The following CKAP5 variants were observed in gnomAD, a reference collection of about 807,000 sequenced individuals.
CKAP5 encodes cytoskeleton associated protein 5.
In CKAP5, 27 loss-of-function variants were observed where a neutral mutation model predicts 232.8. The observed-to-expected ratio is 0.12, with a 90% CI of 0.09 to 0.16. The LOEUF is 0.16. CKAP5 is among the 10% of genes least tolerant of loss of function. The probability of loss-of-function intolerance (pLI) is 1.00; values close to 1 mark genes in which losing one functional copy is unlikely to be tolerated. For synonymous variants in CKAP5, 785 were observed against 841.1 expected (o/e 0.93, Z 1.16); for missense variants, 1,838 against 2,424.7 (o/e 0.76, Z 5.08).
intron 1 of CKAP5, among the ~76,000 whole-genome samples, chr11:46,833,317 A>G (rs1339875801): frequency 1.3e-5 from 2 of 152,160 alleles, no homozygotes; most frequent in Admixed American, 6.5e-5. Context: ...GAACAAAAAT[A>G]TGACCCATGT....
At chr11:46,844,766 C>T (rs1227915620) in intron 1 of CKAP5, among the ~76,000 whole-genome samples, 4 of 152,154 alleles carry the variant, frequency 2.6e-5, no homozygotes, top group African/African-American at 9.6e-5. Flanking sequence ...CTCGGCCTCC[C>T]GAGTAGCTAG....
Position 46,795,327 on chromosome 11 carries a change from C to CAA in CKAP5, c.1650+265_1650+266dup, listed in dbSNP as rs35922652. On this transcript the variant is annotated intron_variant, in intron 13 of 43. Transcript: ENST00000529230. ...TGGGCAACAGAGCGAGACTCCATCT[C>CAA]AAAAAAAAAAAAAGTTAAGATAGTA... is the stretch of plus-strand genomic sequence containing the variant. Among the ~76,000 whole-genome samples the CAA allele has an allele frequency of 1.3e-4, 18 of 138,878 alleles. No homozygotes were observed. The South Asian group carries it at 1.3e-3, about 10-fold the overall frequency. The allele number at this position is 138,878 out of a possible 152,430, so 91.1% of individuals were successfully genotyped here.
At position 46,761,923 on chromosome 11, in the gene CKAP5, G is replaced by A. The variant is rs957592696; in HGVS notation, c.4221+77C>T. The A allele has an allele frequency of 1.3e-5, 16 of 1,215,700 alleles. No homozygotes were observed. In the African/African-American group the frequency reaches 2.4e-4, roughly 18 times the overall value. The allele number at this position is 1,215,700 out of a possible 1,614,324, so 75.3% of individuals were successfully genotyped here. On this transcript the variant is annotated intron_variant, in intron 32 of 43. Coordinates refer to ENST00000529230, the MANE Select transcript of CKAP5 (RefSeq NM_001008938.4). ...AGTAAAAACTTAGCTACAGTTGAGA[G>A]GACAGGAAACCTAACACCTAGGAGA...
rs764968978 is a variant in CKAP5 at position 46,770,106 on chromosome 11, G to A, written c.3187-8C>T. On this transcript the variant is annotated splice_polypyrimidine_tract_variant and splice_region_variant and intron_variant, in intron 25 of 43. Coordinates refer to ENST00000529230, the MANE Select transcript of CKAP5 (RefSeq NM_001008938.4). Reference sequence around the variant, plus strand: ...CTGATCTTTAGAAGTTGGCTAGAGAGACAAAATGACATAAAAAGTGAGAGG... The same window carrying A: ...CTGATCTTTAGAAGTTGGCTAGAGAAACAAAATGACATAAAAAGTGAGAGG... The A allele has an allele frequency of 6.2e-7, 1 of 1,613,100 alleles. No homozygotes were observed. The highest frequency in any genetic ancestry group is 8.5e-7 in the Non-Finnish European group (1 of 1,179,226).
At chr11:46,745,073 G>A (rs2065012732) in intron 42 of CKAP5, among the ~76,000 whole-genome samples, 1 of 152,218 alleles carries the variant, frequency 6.6e-6, no homozygotes, top group East Asian at 1.9e-4. Flanking sequence ...TATCTAAAGA[G>A]GGCATAGAAC....
intron 38 of CKAP5, 31 bp from the exon 39 acceptor site, chr11:46,751,565 T>A: frequency 6.5e-7 from 1 of 1,541,322 alleles, no homozygotes; most frequent in Non-Finnish European, 8.8e-7. Flanking sequence ...GAGTTAGGAG[T>A]GACTGAAGAA....
chr11:46,751,351 G>T lies in CKAP5; in HGVS notation c.5317C>A (p.Pro1773Thr). 6.2e-7 allele frequency: 1 copy of T among 1,613,690 alleles called. No individual in the cohort carries two copies. ...CAGTTGCGATTCTTACTCACCTTGG[G>T]CCCTTTTAATTTGCATAAGGTGTGT... ...LLHTLCKLKG[P>T]KILDHLTMID... is the part of the protein sequence containing the mutation. The change falls in exon 39 of 44, where the codon CCC becomes ACC. Residue 1773 changes from proline to threonine, a missense_variant. Pro to Thr is a conservative substitution (Grantham distance 38, BLOSUM62 -1). Coordinates refer to ENST00000529230, the MANE Select transcript of CKAP5 (RefSeq NM_001008938.4).
In CKAP5 at chr11:46,743,919, T is replaced by C; in HGVS notation, c.*104A>G. 7.0e-7 allele frequency: 1 copy of C among 1,430,848 alleles called. No homozygotes were observed. Among genetic ancestry groups the C allele is most frequent in the East Asian group, 2.3e-5 (1 of 43,960 alleles). The allele number at this position is 1,430,848 out of a possible 1,614,324, so 88.6% of individuals were successfully genotyped here. On this transcript the variant is annotated 3_prime_UTR_variant, in exon 44 of 44. Transcript: ENST00000529230. ...CCCCCTAGCTCCACGGCATGATACA[T>C]ACAACCAGTTTGTATACACTAGGCC...
chr11:46,751,640 G>A (rs758660015), intron 38 of CKAP5, 106 bp from the exon 39 acceptor site: 9 of 944,176 alleles, frequency 9.5e-6, no homozygotes, highest in Non-Finnish European at 1.4e-5. Flanking sequence ...GATGGCCAGG[G>A]CTATAAATGT....
At chr11:46,768,625 A>G (rs931111127) in intron 26 of CKAP5, among the ~76,000 whole-genome samples, 1 of 151,816 alleles carries the variant, frequency 6.6e-6, no homozygotes, top group African/African-American at 2.4e-5. Context: ...TGGCTCACCC[A>G]GGCTGGAGTG....
chr11:46,836,631 T>C (rs953224048), intron 1 of CKAP5, among the ~76,000 whole-genome samples: 13 of 152,244 alleles, frequency 8.5e-5, no homozygotes, highest in African/African-American at 3.1e-4. Flanking sequence ...AACTAAGTGC[T>C]GTTAAGAACG....
intron 9 of CKAP5, 62 bp from the exon 10 acceptor site, chr11:46,798,234 C>T: frequency 8.6e-7 from 1 of 1,169,462 alleles, no homozygotes; most frequent in Non-Finnish European, 1.3e-6. Flanking sequence ...ATTGATATAT[C>T]CTAGAACATG....
intron 42 of CKAP5, among the ~76,000 whole-genome samples, chr11:46,746,898 G>C (rs570798748): frequency 1.3e-5 from 2 of 152,316 alleles, no homozygotes; most frequent in South Asian, 2.1e-4. Context: ...AGGCTGAGGT[G>C]GGGGGATCAC....
Position 46,788,667 on chromosome 11 carries a change from A to C in CKAP5, c.1968+14T>G. The C allele has an allele frequency of 6.8e-7, 1 of 1,473,060 alleles. No homozygotes were observed. Among genetic ancestry groups the C allele is most frequent in the Non-Finnish European group, 9.5e-7 (1 of 1,052,066 alleles). The allele number at this position is 1,473,060 out of a possible 1,614,324, so 91.2% of individuals were successfully genotyped here. On this transcript the variant is annotated intron_variant, in intron 16 of 43. Coordinates refer to ENST00000529230, the MANE Select transcript of CKAP5 (RefSeq NM_001008938.4). ...ACTTCAATAAAAGACATCAAATCTC[A>C]CATTTTAAAATACCTGAAAATTAGT...
chr11:46,836,045 C>T (rs1457654819), intron 1 of CKAP5, among the ~76,000 whole-genome samples: 1 of 152,182 alleles, frequency 6.6e-6, no homozygotes, highest in African/African-American at 2.4e-5. Flanking sequence ...AAACAACTGA[C>T]TAGTACTCCT....
intron 5 of CKAP5, among the ~76,000 whole-genome samples, chr11:46,810,412 T>TGATC (rs1193551300): frequency 2.0e-5 from 3 of 152,094 alleles, no homozygotes; most frequent in Admixed American, 2.0e-4. Flanking sequence ...CAGGTTCAGG[T>TGATC]GATCCTCCCA....
chr11:46,831,781 C>T (rs1426434947), intron 1 of CKAP5, among the ~76,000 whole-genome samples: 3 of 152,156 alleles, frequency 2.0e-5, no homozygotes, highest in Admixed American at 2.0e-4. Flanking sequence ...GTCCTCCTGC[C>T]TCAGCCTCCC....
chr11:46,794,684 A>T (rs1373899600), intron 13 of CKAP5, among the ~76,000 whole-genome samples: 1 of 151,828 alleles, frequency 6.6e-6, no homozygotes, highest in Non-Finnish European at 1.5e-5. Context: ...AAATTTTTAA[A>T]AATAAGCTGG....
chr11:46,820,999 A>C, intron 2 of CKAP5, 176 bp downstream of exon 2: 1 of 539,284 alleles, frequency 1.9e-6, no homozygotes, highest in Non-Finnish European at 3.3e-6. Context: ...AGAGACAAAA[A>C]AATTTTTAGT....
Sources: gnomAD v4.1 joint callset for allele counts (sites outside exome capture counted in the v4.1 genomes callset) on GRCh38, gnomAD v4.1.1 for gene constraint, MANE v1.5 for transcripts, NCBI Gene and HGNC (gene_info 2026-07-23, HGNC 2026-07-21) for gene names.